The following TMTC4 variants were observed in gnomAD, a reference collection of about 807,000 sequenced individuals.
TMTC4 encodes transmembrane O-mannosyltransferase targeting cadherins 4.
In TMTC4, 65 loss-of-function variants were observed where a neutral mutation model predicts 86.0. The ratio of observed to expected loss-of-function variants is 0.76; its 90% CI spans 0.62 to 0.93. The LOEUF (loss-of-function observed/expected upper bound fraction) is 0.93. TMTC4 is among the 40% of genes least tolerant of loss of function. TMTC4 has a pLI of 0.00. For missense variants in TMTC4, 866 were observed against 948.1 expected (o/e 0.91, Z 1.14); for synonymous variants, 379 against 382.5 (o/e 0.99, Z 0.11).
In TMTC4 at chr13:100,664,319, C is replaced by T. The variant is rs766420256; in HGVS notation, c.237G>A (p.Thr79=). ...CATGATGCCACAGGTCCCCCAGGGG[C>T]GTTTCTGCTTGGAGGTCCTGCAGGG... The part of the protein sequence containing the change: ...IVNNKDLQAE[T]PLGDLWHHDF... Residue 79 remains threonine, a synonymous_variant, in exon 4 of 19, where the codon ACG becomes ACA. Coordinates refer to ENST00000342624, the MANE Select transcript of TMTC4 (RefSeq NM_032813.5). The T allele has an allele frequency of 7.3e-5, 118 of 1,609,640 alleles. No homozygotes were observed. Among genetic ancestry groups the T allele is most frequent in the Non-Finnish European group, 9.0e-5 (106 of 1,177,906 alleles).
At chr13:100,625,937 G>A (rs753048413) in intron 13 of TMTC4, 45 bp from the exon 14 acceptor site, 2 of 1,600,802 alleles carry the variant, frequency 1.2e-6, no homozygotes, top group Non-Finnish European at 1.7e-6. Flanking sequence ...ATGCTCAATA[G>A]TAAGTTTTTA....
At chr13:100,668,821 T>C (rs1886718609) in intron 2 of TMTC4, 27 bp from the exon 3 acceptor site, 1 of 1,610,604 alleles carries the variant, frequency 6.2e-7, no homozygotes, top group Non-Finnish European at 8.5e-7. Flanking sequence ...ACTGTATAAA[T>C]ATTCATCAAC....
chr13:100,668,470 G>C, intron 3 of TMTC4, 109 bp downstream of exon 3: 1 of 1,148,640 alleles, frequency 8.7e-7, no homozygotes, highest in Admixed American at 2.2e-5. Context: ...TCGGGGCCCA[G>C]GCCAATGCTT....
intron 6 of TMTC4, among the ~76,000 whole-genome samples, chr13:100,646,156 C>T (rs952253833): frequency 1.3e-5 from 2 of 152,110 alleles, no homozygotes; most frequent in African/African-American, 4.8e-5. Flanking sequence ...ACAAGCTTTC[C>T]AGGTGGCTCT....
intron 15 of TMTC4, among the ~76,000 whole-genome samples, chr13:100,622,954 CCATT>C (rs1175071365): frequency 6.6e-6 from 1 of 152,160 alleles, no homozygotes; most frequent in African/African-American, 2.4e-5. Context: ...CTTGTTTTCT[CCATT>C]CATAAGATTC....
rs544751384 is a variant in TMTC4, at chr13:100,664,157, C to T, written c.335+64G>A. Reference sequence around the variant, plus strand: ...ATGCTGAGAACCTGGTGACACACACCTGTATCCAATGTCACACACAAGCTG... The same window carrying T: ...ATGCTGAGAACCTGGTGACACACACTTGTATCCAATGTCACACACAAGCTG... On this transcript the variant is annotated intron_variant, in intron 4 of 18. Coordinates refer to ENST00000342624, the MANE Select transcript of TMTC4 (RefSeq NM_032813.5). The T allele has an allele frequency of 1.5e-5, 21 of 1,401,136 alleles. No homozygotes were observed. In the East Asian group the frequency reaches 2.5e-4, roughly 17 times the overall value. The allele number at this position is 1,401,136 out of a possible 1,614,324, so 86.8% of individuals were successfully genotyped here.
rs142749416 is a variant in TMTC4, at chr13:100,623,929, C to T, written c.1836+1606G>A. ...ACTAAATTAGGGTCTTCCTTGGTGCCTAAAGCTGTCTTTGGGGGTAGTACA... is the reference window on the plus strand; with the variant it reads ...ACTAAATTAGGGTCTTCCTTGGTGCTTAAAGCTGTCTTTGGGGGTAGTACA... On this transcript the variant is annotated intron_variant, in intron 15 of 18. Transcript: ENST00000342624. 114 of 485,004 alleles carry T rather than the reference C, an allele frequency of 2.4e-4. 1 individual carries two copies. Among genetic ancestry groups the T allele is most frequent in the Middle Eastern group, 2.0e-3 (6 of 3,044 alleles). 30.0% of individuals were successfully genotyped at this position (485,004 alleles called of 1,614,324 possible).
intron 6 of TMTC4, among the ~76,000 whole-genome samples, chr13:100,649,851 T>C (rs1393031303): frequency 6.6e-6 from 1 of 151,954 alleles, no homozygotes; most frequent in Non-Finnish European, 1.5e-5. Flanking sequence ...ATTTTAAATT[T>C]AGAAGTAACT....
At chr13:100,663,771 C>T (rs1017807645) in intron 4 of TMTC4, among the ~76,000 whole-genome samples, 2 of 152,076 alleles carry the variant, frequency 1.3e-5, no homozygotes, top group Admixed American at 1.3e-4. Context: ...TGGACGAGAA[C>T]CTTTGTGAGG....
chr13:100,662,886 T>C (rs1372530807), intron 5 of TMTC4, 78 bp downstream of exon 5: 1 of 1,517,918 alleles, frequency 6.6e-7, no homozygotes, highest in Non-Finnish European at 9.1e-7. Context: ...AGGGAGCCTG[T>C]TTTAGGAAAC....
At chr13:100,634,139 C>CA (rs113105859) in intron 12 of TMTC4, among the ~76,000 whole-genome samples, 1,312 of 87,984 alleles carry the variant, frequency 0.015, 9 homozygotes, top group South Asian at 0.048. Context: ...GACCCAGTCT[C>CA]AAAAAAAAAA....
At chr13:100,614,470 T>C (rs1251994838) in intron 15 of TMTC4, 40 bp from the exon 16 acceptor site, 1 of 1,386,416 alleles carries the variant, frequency 7.2e-7, no homozygotes. Context: ...ATTCCAAGTT[T>C]CCTGCTTCCT....
intron 6 of TMTC4, among the ~76,000 whole-genome samples, chr13:100,655,115 G>A (rs1884932411): frequency 2.0e-5 from 3 of 147,284 alleles, no homozygotes; most frequent in Non-Finnish European, 3.0e-5. Context: ...TCCGCCTCCC[G>A]GGTTCAAACG....
chr13:100,611,042 A>G (rs1180887163), intron 17 of TMTC4, among the ~76,000 whole-genome samples: 5 of 152,252 alleles, frequency 3.3e-5, no homozygotes, highest in Admixed American at 2.0e-4. Context: ...ATAAAACTAG[A>G]GATATGCATG....
At chr13:100,621,659 T>C (rs1159736057) in intron 15 of TMTC4, among the ~76,000 whole-genome samples, 2 of 152,184 alleles carry the variant, frequency 1.3e-5, no homozygotes, top group East Asian at 3.9e-4. Flanking sequence ...TCTCCTGACC[T>C]TGTGATCCAC....
intron 1 of TMTC4, chr13:100,674,010 G>A: frequency 1.0e-6 from 1 of 985,164 alleles, no homozygotes; most frequent in Non-Finnish European, 1.2e-6. Flanking sequence ...TCTTTTGTGT[G>A]TGGTTTAAAA....
chr13:100,667,784 G>C (rs532931870), intron 3 of TMTC4, among the ~76,000 whole-genome samples: 6 of 152,252 alleles, frequency 3.9e-5, no homozygotes, highest in African/African-American at 1.2e-4. Flanking sequence ...ACAGATTGTT[G>C]AGAGGCTCTA....
chr13:100,657,119 T>TA (rs1458716057), intron 5 of TMTC4, among the ~76,000 whole-genome samples: 5 of 152,172 alleles, frequency 3.3e-5, no homozygotes, highest in African/African-American at 1.2e-4. Context: ...TCCAAAGACT[T>TA]AGTCTTCTGA....
chr13:100,633,306 C>A (rs1881705777), intron 12 of TMTC4, among the ~76,000 whole-genome samples: 2 of 90,644 alleles, frequency 2.2e-5, no homozygotes, highest in East Asian at 3.6e-4. Context: ...AAGACTCCAT[C>A]TCAGGGAAAA....
Sources: gnomAD v4.1 joint callset for allele counts (sites outside exome capture counted in the v4.1 genomes callset) on GRCh38, gnomAD v4.1.1 for gene constraint, MANE v1.5 for transcripts, NCBI Gene and HGNC (gene_info 2026-07-23, HGNC 2026-07-21) for gene names.